Variants in VGLL4 observed in about 807,000 individuals in gnomAD.
VGLL4 encodes transcription cofactor vestigial-like protein 4.
In VGLL4, 7 loss-of-function variants were observed where a neutral mutation model predicts 21.0. The ratio of observed to expected loss-of-function variants is 0.33; its 90% CI spans 0.19 to 0.63. The LOEUF (loss-of-function observed/expected upper bound fraction) is 0.63. VGLL4 is among the 20% of genes least tolerant of loss of function. The probability of loss-of-function intolerance (pLI) is 0.78; values close to 1 mark genes in which losing one functional copy is unlikely to be tolerated. For synonymous variants in VGLL4, 222 were observed against 173.2 expected (o/e 1.28, Z -2.21); for missense variants, 394 against 425.7 (o/e 0.93, Z 0.66).
chr3:11,600,377 A>G (rs868547374), intron 2 of VGLL4, among the ~76,000 whole-genome samples: 1 of 151,868 alleles, frequency 6.6e-6, no homozygotes, highest in Admixed American at 6.6e-5. Context: ...AAAGAAAAAA[A>G]AAAAAAGACC....
chr3:11,670,853 CATG>C (rs1383553072), intron 2 of VGLL4, among the ~76,000 whole-genome samples: 2 of 152,120 alleles, frequency 1.3e-5, no homozygotes, highest in African/African-American at 4.8e-5. Flanking sequence ...GCCTGGCCAA[CATG>C]ATGAAACCCC....
In VGLL4 at chr3:11,558,097, CTT is replaced by C. The variant is rs1667992821; in HGVS notation, c.*457_*458del. On this transcript the variant is annotated 3_prime_UTR_variant, in exon 5 of 5. Transcript: ENST00000430365. ...AGTGCAAATCAGACACGACAGTTCT[CTT>C]CAAGTATACACACGCACACACATGG... The C allele has an allele frequency of 5.8e-6, 1 of 172,988 alleles. No individual in the cohort carries two copies. Among genetic ancestry groups the C allele is most frequent in the African/African-American group, 2.4e-5 (1 of 42,280 alleles). 10.7% of individuals were successfully genotyped at this position (172,988 alleles called of 1,614,324 possible). A position where few individuals can be genotyped will look rare whatever the true frequency, so the allele number is the denominator to read the frequency against.
chr3:11,587,213 A>G (rs866012643), intron 2 of VGLL4, among the ~76,000 whole-genome samples: 2 of 152,206 alleles, frequency 1.3e-5, no homozygotes, highest in African/African-American at 2.4e-5. Flanking sequence ...CACAGTCCAA[A>G]GGGGGCCAGA....
At chr3:11,715,373 G>A (rs932699053) in intron 1 of VGLL4, among the ~76,000 whole-genome samples, 6 of 151,906 alleles carry the variant, frequency 3.9e-5, no homozygotes, top group Non-Finnish European at 7.4e-5. Context: ...TTGATCTGTC[G>A]CCTAGGCTGG....
chr3:11,574,781 ATATATGTGTGTGTGTG>A (rs1304914996), intron 2 of VGLL4, among the ~76,000 whole-genome samples: 3 of 120,948 alleles, frequency 2.5e-5, no homozygotes, highest in African/African-American at 3.3e-5. Flanking sequence ...CAATTCAACT[ATATATGTGTGTGTGTG>A]TGTGTGTGTG....
At chr3:11,707,284 C>T (rs1221478937) in intron 1 of VGLL4, among the ~76,000 whole-genome samples, 2 of 137,552 alleles carry the variant, frequency 1.5e-5, no homozygotes, top group Non-Finnish European at 3.0e-5. Flanking sequence ...GCCGTAATTG[C>T]ACCACTGCAC....
chr3:11,607,235 A>G (rs2074966145), intron 1 of VGLL4: 1 of 152,228 alleles, frequency 6.6e-6, no homozygotes, highest in Non-Finnish European at 1.5e-5. Context: ...CCATGATGTA[A>G]TATTATGCAG....
At chr3:11,661,573 C>T (rs535673503) in intron 2 of VGLL4, among the ~76,000 whole-genome samples, 75 of 151,964 alleles carry the variant, frequency 4.9e-4, no homozygotes, top group South Asian at 1.2e-3. Flanking sequence ...TGGGTTCAAG[C>T]GATTCTCCTG....
In VGLL4 at chr3:11,557,212, T is replaced by A. The variant is rs2072517981; in HGVS notation, c.*1344A>T. On this transcript the variant is annotated 3_prime_UTR_variant, in exon 5 of 5. Transcript: ENST00000430365. ...GTCTGTCATGCTTGCTTCATCTAAT[T>A]TCTAGTTAGTAGCTATTAATATAGC... The A allele has an allele frequency of 6.5e-6, 1 of 152,734 alleles. No homozygotes were observed. The highest frequency in any genetic ancestry group is 1.5e-5 in the Non-Finnish European group (1 of 68,038). The allele number at this position is 152,734 out of a possible 1,614,324, so 9.5% of individuals were successfully genotyped here.
chr3:11,657,179 G>A (rs1013128669), intron 2 of VGLL4, among the ~76,000 whole-genome samples: 1 of 152,012 alleles, frequency 6.6e-6, no homozygotes, highest in Admixed American at 6.6e-5. Context: ...TGTCCATCTC[G>A]GCAGCCTCTG....
chr3:11,681,736 G>A (rs1362925530), intron 2 of VGLL4, among the ~76,000 whole-genome samples: 1 of 152,246 alleles, frequency 6.6e-6, no homozygotes, highest in Non-Finnish European at 1.5e-5. Flanking sequence ...AGATGCCTCA[G>A]GCTCATGAGT....
chr3:11,683,581 C>G (rs2076405139), intron 2 of VGLL4, among the ~76,000 whole-genome samples: 1 of 152,022 alleles, frequency 6.6e-6, no homozygotes. Flanking sequence ...ATGTGATAAC[C>G]TGAGGTCAAA....
At chr3:11,629,329 T>G (rs1281574147) in intron 1 of VGLL4, among the ~76,000 whole-genome samples, 4 of 147,366 alleles carry the variant, frequency 2.7e-5, no homozygotes, top group African/African-American at 7.6e-5. Flanking sequence ...AAGCAGACAA[T>G]AAGAAGAAAT....
At chr3:11,645,212 A>G (rs1409853466), upstream of VGLL4, among the ~76,000 whole-genome samples, 3 of 151,816 alleles carry the variant, frequency 2.0e-5, no homozygotes, top group Non-Finnish European at 4.4e-5. Flanking sequence ...CAAAAACTAA[A>G]CATTTGAATT....
intron 2 of VGLL4, among the ~76,000 whole-genome samples, chr3:11,595,321 A>C (rs1453619029): frequency 6.6e-6 from 1 of 152,192 alleles, no homozygotes; most frequent in Non-Finnish European, 1.5e-5. Flanking sequence ...GCAATCATTA[A>C]AAAGTCAGGA....
chr3:11,558,375 T>TA lies in VGLL4; in HGVS notation c.*180_*181insT. 9.7e-7 allele frequency: 1 copy of TA among 1,027,304 alleles called. No homozygotes were observed. Among genetic ancestry groups the TA allele is most frequent in the Non-Finnish European group, 1.4e-6 (1 of 727,512 alleles). 63.6% of individuals were successfully genotyped at this position (1,027,304 alleles called of 1,614,324 possible). ...CTGCTATCATGTTTGAGGGCCCCCT[T>TA]GTACGGATACCAAGCAAGTACAAAA... On this transcript the variant is annotated 3_prime_UTR_variant, in exon 5 of 5. Transcript: ENST00000430365.
intron 2 of VGLL4, chr3:11,702,744 AC>A (rs376403215): frequency 1.8e-4 from 47 of 255,474 alleles, no homozygotes; most frequent in African/African-American, 3.6e-4. Flanking sequence ...AAAAAAAAAA[AC>A]AAAAAAAAAA....
At chr3:11,716,506 G>C (rs1364620024) in intron 1 of VGLL4, among the ~76,000 whole-genome samples, 1 of 151,966 alleles carries the variant, frequency 6.6e-6, no homozygotes, top group Admixed American at 6.6e-5. Context: ...AAGTGTCAGA[G>C]GCATTGATTT....
intron 3 of VGLL4, 25 bp downstream of exon 3, chr3:11,564,772 G>T (rs938410460): frequency 1.3e-5 from 20 of 1,518,590 alleles, no homozygotes; most frequent in Non-Finnish European, 1.8e-5. Flanking sequence ...GACTCCCCAC[G>T]CCACCCTCCC....
Sources: gnomAD v4.1 joint callset for allele counts (sites outside exome capture counted in the v4.1 genomes callset) on GRCh38, gnomAD v4.1.1 for gene constraint, MANE v1.5 for transcripts, NCBI Gene and HGNC (gene_info 2026-07-23, HGNC 2026-07-21) for gene names.